Variants in HMGXB4 observed in about 807,000 individuals in gnomAD.
HMGXB4 encodes the protein HMG domain-containing protein 4.
HMGXB4 carries 27 observed loss-of-function variants against 63.9 expected under a neutral mutation model. The observed-to-expected ratio is 0.42, with a 90% CI of 0.31 to 0.58. HMGXB4 has a LOEUF of 0.58. Ranked by LOEUF, HMGXB4 falls within the 20% of genes least tolerant of loss-of-function variation. The pLI is 0.13. For synonymous variants in HMGXB4, 264 were observed against 265.3 expected (o/e 0.99, Z 0.05); for missense variants, 624 against 700.7 (o/e 0.89, Z 1.24).
chr22:35,285,110 T>A (rs147773677), intron 6 of HMGXB4, among the ~76,000 whole-genome samples: 5 of 152,214 alleles, frequency 3.3e-5, no homozygotes, highest in Non-Finnish European at 5.9e-5. Context: ...TGGGATCAAA[T>A]TAAAGACACC....
intron 6 of HMGXB4, among the ~76,000 whole-genome samples, chr22:35,285,692 A>G (rs1376022049): frequency 2.6e-5 from 4 of 152,188 alleles, no homozygotes; most frequent in East Asian, 1.9e-4. Flanking sequence ...CACCACTGCA[A>G]TCCAGCCTGA....
intron 5 of HMGXB4, among the ~76,000 whole-genome samples, chr22:35,266,941 G>T (rs545904638): frequency 1.9e-4 from 29 of 152,218 alleles, no homozygotes; most frequent in African/African-American, 6.3e-4. Context: ...CTATAATCTT[G>T]CCACTGCAAC....
chr22:35,286,022 G>T lies in HMGXB4; in HGVS notation c.1323G>T (p.Leu441=), dbSNP rs746977943. ...GIDFGELSKK[L]AEVWKQLPEK... is the part of the protein sequence containing the mutation. ...ATTTTGGGGAACTTAGTAAAAAACT[G>T]GCTGAGGTGTGGAAGCAATTACCAG... Residue 441 remains leucine, a synonymous_variant, in exon 7 of 11, where the codon CTG becomes CTT. Coordinates refer to ENST00000216106, the MANE Select transcript of HMGXB4 (RefSeq NM_001003681.3). 2.2e-5 allele frequency: 35 copies of T among 1,610,870 alleles called. 1 individual carries two copies. In the South Asian group the frequency reaches 3.8e-4, roughly 17 times the overall value.
At position 35,265,423 on chromosome 22, in the gene HMGXB4, T is replaced by G; in HGVS notation, c.1035T>G (p.Ser345Arg). 1 of 1,613,550 alleles carries G rather than the reference T, an allele frequency of 6.2e-7. No homozygotes were observed. Among genetic ancestry groups the G allele is most frequent in the African/African-American group, 1.3e-5 (1 of 74,818 alleles). Residue 345 changes from serine (S) to arginine (R), a missense_variant, in exon 5 of 11, where the codon AGT (serine) becomes AGG (arginine). This residue lies in a region of HMGXB4 where 472 missense variants were observed against 470.6 expected (regional missense o/e 1.00). Transcript: ENST00000216106. ...AGCGACACTCCAAGTCCAAGAGAAG[T>G]TTAGGACTTTCTGCCGTGCCAGTGG... Reference protein sequence around the residue: ...KEKRHSKSKRSLGLSAVPVGE... With the variant: ...KEKRHSKSKRRLGLSAVPVGE...
chr22:35,247,415 C>T, the HMGXB4 span, among the ~76,000 whole-genome samples: 2 of 152,222 alleles, frequency 1.3e-5, no homozygotes, highest in Admixed American at 1.3e-4. Flanking sequence ...GCATTGGGTG[C>T]TGTCTTTGCA....
chr22:35,249,516 C>T, the HMGXB4 span, among the ~76,000 whole-genome samples: 4 of 98,730 alleles, frequency 4.1e-5, 1 homozygote. Flanking sequence ...AATAGGTGAT[C>T]AGAACATGGA....
rs138210430 is a variant in HMGXB4 at position 35,286,719 on chromosome 22, G to A, written c.1363-628G>A. ...CAAAAAATTAGCCAGGCATGGTGGC[G>A]CATGCCCGTAATCCCAGCTACTCGC... On this transcript the variant is annotated intron_variant, in intron 7 of 10. Transcript: ENST00000216106. Among the ~76,000 whole-genome samples, 490 of 152,076 alleles carry A rather than the reference G, an allele frequency of 3.2e-3. 5 individuals are homozygous for A. Among genetic ancestry groups the A allele is most frequent in the African/African-American group, 0.011 (472 of 41,486 alleles).
chr22:35,265,712 A>C (rs1426880480), intron 5 of HMGXB4, 109 bp downstream of exon 5: 1 of 1,373,800 alleles, frequency 7.3e-7, no homozygotes, highest in African/African-American at 1.5e-5. Flanking sequence ...GGAATTAAGC[A>C]TGTTTGGGGG....
rs757128285 is a variant in HMGXB4 at position 35,263,102 on chromosome 22, T to A, written c.56T>A (p.Phe19Tyr). The A allele has an allele frequency of 1.9e-6, 3 of 1,613,974 alleles. No homozygotes were observed. The highest frequency in any genetic ancestry group is 1.1e-5 in the South Asian group (1 of 91,052). The change falls in exon 3 of 11, where the codon TTT becomes TAT. Residue 19 changes from phenylalanine to tyrosine, a missense_variant. This residue lies in a region of HMGXB4 where 472 missense variants were observed against 470.6 expected (regional missense o/e 1.00). Transcript: ENST00000216106. ...GATTGTTTTGATGGTGATCATACCTTTGAGGACATAGGACTTGCAGCTGGC... is the reference window on the plus strand; with the variant it reads ...GATTGTTTTGATGGTGATCATACCTATGAGGACATAGGACTTGCAGCTGGC... ...KEDCFDGDHT[F>Y]EDIGLAAGRS...
chr22:35,247,878 ATG>A, the HMGXB4 span, among the ~76,000 whole-genome samples: 1 of 152,188 alleles, frequency 6.6e-6, no homozygotes. Flanking sequence ...TAACAAAATC[ATG>A]TGTCATTTAA....
upstream of HMGXB4, among the ~76,000 whole-genome samples, chr22:35,256,025 G>T (rs780892605): frequency 1.3e-5 from 2 of 152,222 alleles, no homozygotes; most frequent in African/African-American, 2.4e-5. Context: ...TATCTCAGGT[G>T]TTTTAACATC....
At position 35,287,599 on chromosome 22, in the gene HMGXB4, G is replaced by T. The variant is rs144941555; in HGVS notation, c.1468+147G>T. On this transcript the variant is annotated intron_variant, in intron 8 of 10. Coordinates refer to ENST00000216106, the MANE Select transcript of HMGXB4 (RefSeq NM_001003681.3). ...TGGGAATGTTACAAGCTACCAAAAA[G>T]AGATGTTCAAATTTAGAAAATGCAA... is the stretch of plus-strand genomic sequence containing the variant. 737 of 640,536 alleles carry T rather than the reference G, an allele frequency of 1.2e-3. 5 individuals are homozygous for T. In the African/African-American group the frequency reaches 0.013, roughly 11 times the overall value. 39.7% of individuals were successfully genotyped at this position (640,536 alleles called of 1,614,324 possible).
At chr22:35,259,925 C>T (rs1269541522) in intron 1 of HMGXB4, among the ~76,000 whole-genome samples, 1 of 152,270 alleles carries the variant, frequency 6.6e-6, no homozygotes, top group Non-Finnish European at 1.5e-5. Flanking sequence ...GCCTGTGCCT[C>T]TGAGAAGCAG....
intron 5 of HMGXB4, among the ~76,000 whole-genome samples, chr22:35,276,648 TA>T (rs1923931793): frequency 6.6e-6 from 1 of 152,030 alleles, no homozygotes; most frequent in Admixed American, 6.6e-5. Flanking sequence ...TTAGGCCCAA[TA>T]AAGGAGGATT....
Position 35,287,446 on chromosome 22 carries a change from G to A in HMGXB4, c.1462G>A (p.Val488Ile). 2 of 1,608,840 alleles carry A rather than the reference G, an allele frequency of 1.2e-6. No homozygotes were observed. The highest frequency in any genetic ancestry group is 2.2e-5 in the East Asian group (1 of 44,756). ...ATCCAGCTCAGAAGGTTCCATGAAA[G>A]TCAAAGGTAGTGACCACATCCCGCC... ...KASSSEGSMK[V>I]KASSVGVLSP... Residue 488 changes from valine (V) to isoleucine (I), a missense_variant, in exon 8 of 11, where the codon GTC becomes ATC. Around this residue, in one of 2 missense-constraint regions of HMGXB4, gnomAD observed 152 missense variants for 230.1 expected, o/e 0.66. Coordinates refer to ENST00000216106, the MANE Select transcript of HMGXB4 (RefSeq NM_001003681.3).
In HMGXB4 at chr22:35,279,132, CTTTTTTTTTTTT is replaced by C. The variant is rs551006065; in HGVS notation, c.1216-4810_1216-4799del. 2.7e-3 allele frequency among the ~76,000 whole-genome samples: 138 copies of C among 50,828 alleles called. 2 individuals are homozygous for C. The highest frequency in any genetic ancestry group is 0.012 in the African/African-American group (136 of 10,962). The allele number at this position is 50,828 out of a possible 152,430, so 33.3% of individuals were successfully genotyped here. A position where few individuals can be genotyped will look rare whatever the true frequency, so the allele number is the denominator to read the frequency against. On this transcript the variant is annotated intron_variant, in intron 5 of 10. Coordinates refer to ENST00000216106, the MANE Select transcript of HMGXB4 (RefSeq NM_001003681.3). ...TATTTTCTCACAGTCTATGGATTGT[CTTTTTTTTTTTT>C]TTTTTTTTTTTTTTTTTTTGAGACG...
In HMGXB4 at chr22:35,264,170, C is replaced by T. The variant is rs1034780835; in HGVS notation, c.259+296C>T. On this transcript the variant is annotated intron_variant, in intron 4 of 10. Coordinates refer to ENST00000216106, the MANE Select transcript of HMGXB4 (RefSeq NM_001003681.3). Reference sequence around the variant, plus strand: ...GTTATCTAGCATCCCTTTTGCCATACGTAGTCCTCTGGCCTGCACCTGTGG... The same window carrying T: ...GTTATCTAGCATCCCTTTTGCCATATGTAGTCCTCTGGCCTGCACCTGTGG... 39 of 913,068 alleles carry T rather than the reference C, an allele frequency of 4.3e-5. No homozygotes were observed. The Admixed American group carries it at 6.2e-4, about 14-fold the overall frequency. 56.6% of individuals were successfully genotyped at this position (913,068 alleles called of 1,614,324 possible).
intron 4 of HMGXB4, 42 bp from the exon 5 acceptor site, chr22:35,264,606 G>A: frequency 1.4e-6 from 2 of 1,387,042 alleles, no homozygotes; most frequent in Non-Finnish European, 2.0e-6. Context: ...GTTAGAAGTT[G>A]CTTCCCATCA....
chr22:35,264,691 C>G lies in HMGXB4; in HGVS notation c.303C>G (p.Ser101=), dbSNP rs147229362. The change falls in exon 5 of 11, where the codon TCC becomes TCG. Residue 101 remains serine, a synonymous_variant. Coordinates refer to ENST00000216106, the MANE Select transcript of HMGXB4 (RefSeq NM_001003681.3). ...CGTCACAGAAGAAAAAGAAAAAGTC[C>G]AGCCCACAGTCTACTGATACAGCTA... is the stretch of plus-strand genomic sequence containing the variant. The part of the protein sequence containing the change: ...LESSQKKKKK[S]SPQSTDTAMD... The G allele has an allele frequency of 4.7e-5, 75 of 1,589,388 alleles. No individual in the cohort carries two copies. In the African/African-American group the frequency reaches 9.5e-4, roughly 20 times the overall value.
Sources: gnomAD v4.1 joint callset for allele counts (sites outside exome capture counted in the v4.1 genomes callset) on GRCh38, gnomAD v4.1.1 for gene constraint, gnomAD v4.1.1 regional missense constraint, MANE v1.5 for transcripts, NCBI Gene and HGNC (gene_info 2026-07-23, HGNC 2026-07-21) for gene names.